UNC79: variants seen among roughly 807,000 people sequenced by gnomAD.
UNC79 encodes unc-79 subunit of NALCN channel complex, also known as protein unc-79 homolog.
In UNC79, 37 loss-of-function variants were observed where a neutral mutation model predicts 283.1. That is an observed-to-expected ratio of 0.13 (90% CI 0.10 to 0.17). The LOEUF is 0.17. Ranked by LOEUF, UNC79 falls within the 10% of genes least tolerant of loss-of-function variation. The pLI is 1.00. For missense variants in UNC79, 2,272 were observed against 3,211.1 expected (o/e 0.71, Z 7.07); for synonymous variants, 1,107 against 1,200.2 (o/e 0.92, Z 1.61).
intron 35 of UNC79, among the ~76,000 whole-genome samples, chr14:93,648,601 A>C (rs962890113): frequency 3.9e-5 from 6 of 151,986 alleles, no homozygotes; most frequent in Non-Finnish European, 8.8e-5. Flanking sequence ...TGCTGAGATG[A>C]GCAAGCCTGG....
intron 42 of UNC79, among the ~76,000 whole-genome samples, chr14:93,683,472 G>T (rs991735525): frequency 6.6e-6 from 1 of 152,204 alleles, no homozygotes; most frequent in Non-Finnish European, 1.5e-5. Context: ...TGCAAGGGAT[G>T]ATGGGAAATG....
At chr14:93,673,596 C>A in intron 41 of UNC79, 141 bp downstream of exon 44, 1 of 617,116 alleles carries the variant, frequency 1.6e-6, no homozygotes, top group South Asian at 3.1e-5. Context: ...GGACCATGAT[C>A]TAACTAATAG....
Position 93,649,586 on chromosome 14 carries a change from T to G in UNC79, c.6083+2940T>G, listed in dbSNP as rs555367180. On this transcript the variant is annotated intron_variant, in intron 35 of 48. Transcript: ENST00000555664. The stretch of plus-strand genomic sequence containing the variant: ...TGTTTCTTTTTTCCTCCAGCTTTAT[T>G]GAGGTATAATTGAGAAATAAAAATT... 2.2e-4 allele frequency among the ~76,000 whole-genome samples: 34 copies of G among 152,288 alleles called. 1 individual carries two copies. In the South Asian group the frequency reaches 7.0e-3, roughly 32 times the overall value.
exon 27 of UNC79, chr14:93,612,984 C>T: frequency 6.2e-7 from 1 of 1,614,204 alleles, no homozygotes; most frequent in Non-Finnish European, 8.5e-7. Flanking sequence ...ACCTGTACGT[C>T]TTACTCGGCT....
chr14:93,466,304 G>C (rs1323852998), intron 1 of UNC79, among the ~76,000 whole-genome samples: 1 of 152,218 alleles, frequency 6.6e-6, no homozygotes, highest in East Asian at 1.9e-4. Context: ...TGATTAACCT[G>C]GTAACTTCTG....
chr14:93,653,309 ATC>A (rs1307350266), intron 35 of UNC79, among the ~76,000 whole-genome samples: 1 of 134,310 alleles, frequency 7.4e-6, no homozygotes, highest in East Asian at 2.0e-4. Flanking sequence ...GAGAATGAAC[ATC>A]TCTCTCACTG....
chr14:93,634,637 G>A (rs1441277898), intron 31 of UNC79: 1 of 1,613,140 alleles, frequency 6.2e-7, no homozygotes, highest in East Asian at 2.2e-5. Flanking sequence ...CTGGGACACT[G>A]GTGGGTCAAG....
chr14:93,613,225 A>T, intron 27 of UNC79, 142 bp downstream of exon 28: 1 of 1,105,014 alleles, frequency 9.0e-7, no homozygotes, highest in Non-Finnish European at 1.3e-6. Flanking sequence ...GTGGAGGGGA[A>T]TGTGAACATT....
chr14:93,357,441 C>G (rs2054107881), intron 1 of UNC79, among the ~76,000 whole-genome samples: 1 of 151,862 alleles, frequency 6.6e-6, no homozygotes. Flanking sequence ...TGGGCACCAT[C>G]TAATCAGCTG....
intron 41 of UNC79, 128 bp downstream of exon 44, chr14:93,673,583 T>C (rs1050313372): frequency 5.9e-6 from 4 of 682,606 alleles, no homozygotes; most frequent in African/African-American, 5.5e-5. Flanking sequence ...ATATATCTTA[T>C]ATGGACCATG....
chr14:93,436,318 A>G (rs2056083512), intron 1 of UNC79, among the ~76,000 whole-genome samples: 1 of 152,344 alleles, frequency 6.6e-6, no homozygotes, highest in East Asian at 1.9e-4. Context: ...TACTTAAAAT[A>G]TATTTGCTAA....
In UNC79 at chr14:93,622,504, C is replaced by T. The variant is rs7160631; in HGVS notation, c.5271C>T (p.Pro1757=). ...TCCTTCAGAAGTCGTTTGCTCTCCC[C>T]GAGATGTCGCTGGATGATCACCCTG... The change falls in exon 30 of 49, where the codon CCC becomes CCT. Residue 1757 remains proline, a synonymous_variant. Transcript: ENST00000555664. 4,175 of 1,614,012 alleles carry T rather than the reference C, an allele frequency of 2.6e-3. 98 individuals carry two copies. In the African/African-American group the frequency reaches 0.049, roughly 19 times the overall value.
intron 1 of UNC79, among the ~76,000 whole-genome samples, chr14:93,386,113 A>G (rs1321786376): frequency 6.6e-6 from 1 of 152,194 alleles, no homozygotes; most frequent in Non-Finnish European, 1.5e-5. Context: ...TGGGTCTATC[A>G]TATATGGCTT....
At chr14:93,656,784 G>A (rs571602509) in intron 38 of UNC79, among the ~76,000 whole-genome samples, 4 of 152,298 alleles carry the variant, frequency 2.6e-5, no homozygotes, top group South Asian at 2.1e-4. Context: ...GTTGTAATGA[G>A]CCATATTTGT....
chr14:93,566,158 A>G (rs899096266), intron 14 of UNC79, among the ~76,000 whole-genome samples: 6 of 152,158 alleles, frequency 3.9e-5, no homozygotes, highest in Non-Finnish European at 7.4e-5. Flanking sequence ...CTGGCTCACA[A>G]GCCTCCCGCT....
intron 1 of UNC79, among the ~76,000 whole-genome samples, chr14:93,347,580 G>T (rs2053883201): frequency 6.6e-6 from 1 of 152,108 alleles, no homozygotes; most frequent in African/African-American, 2.4e-5. Context: ...GGAGAGGGTC[G>T]CGGTGAGGAT....
chr14:93,702,905 C>T (rs1342885161), intron 47 of UNC79, among the ~76,000 whole-genome samples: 1 of 152,238 alleles, frequency 6.6e-6, no homozygotes, highest in Non-Finnish European at 1.5e-5. Flanking sequence ...CTGCCTCCTT[C>T]TTCACCCTAA....
intron 35 of UNC79, among the ~76,000 whole-genome samples, chr14:93,647,262 T>G (rs1327941932): frequency 1.3e-5 from 2 of 152,178 alleles, no homozygotes. Context: ...ATCCTGGCTC[T>G]CACGGAACTT....
chr14:93,609,381 C>T (rs1051806450), intron 26 of UNC79, among the ~76,000 whole-genome samples: 1 of 152,096 alleles, frequency 6.6e-6, no homozygotes, highest in Non-Finnish European at 1.5e-5. Flanking sequence ...CCTGATCCTG[C>T]CTGGTTTCAA....
Sources: allele counts gnomAD v4.1 joint callset (sites outside exome capture counted in the v4.1 genomes callset), GRCh38; gene constraint gnomAD v4.1.1; transcripts MANE v1.5; gene names NCBI Gene and HGNC (gene_info 2026-07-23, HGNC 2026-07-21).